Variants in GLIS3 observed in about 807,000 individuals in gnomAD.
GLIS3 encodes zinc finger protein GLIS3.
In GLIS3, 53 loss-of-function variants were observed where a neutral mutation model predicts 78.6. That is an observed-to-expected ratio of 0.67 (90% CI 0.54 to 0.85). The LOEUF is 0.85. GLIS3 is among the 40% of genes least tolerant of loss of function. The probability of loss-of-function intolerance (pLI) is 0.00; values close to 1 mark genes in which losing one functional copy is unlikely to be tolerated. For missense variants in GLIS3, 1,703 were observed against 1,231.1 expected, an observed-to-expected ratio of 1.38 and a Z score of -5.74; for synonymous variants, 684 against 509.9, an observed-to-expected ratio of 1.34 and a Z score of -4.60.
intron 2 of GLIS3, among the ~76,000 whole-genome samples, chr9:4,233,125 T>C (rs1822419070): frequency 6.6e-6 from 1 of 152,234 alleles, no homozygotes; most frequent in South Asian, 2.1e-4. Flanking sequence ...ATCTTTGACA[T>C]CTTTTCCAAA....
intron 6 of GLIS3, among the ~76,000 whole-genome samples, chr9:3,926,784 G>T (rs1825288162): frequency 6.6e-6 from 1 of 152,034 alleles, no homozygotes; most frequent in South Asian, 2.1e-4. Flanking sequence ...CACCATGCCT[G>T]GCTAATTTTT....
chr9:4,246,544 A>G (rs1373404809), intron 2 of GLIS3, among the ~76,000 whole-genome samples: 1 of 152,188 alleles, frequency 6.6e-6, no homozygotes, highest in African/African-American at 2.4e-5. Flanking sequence ...CTCCCTTAAA[A>G]CATAAGCCGT....
rs556678265 is a variant in GLIS3 at position 3,863,645 on chromosome 9, A to G, written c.2298-7461T>C. ...GAGCATGACAAAATGAAGTCTGTGA[A>G]GTTGGCTGTAGGTGAAACGATCACA... On this transcript the variant is annotated intron_variant, in intron 8 of 10. Transcript: ENST00000381971. Among the ~76,000 whole-genome samples, 3 of 152,380 alleles carry G rather than the reference A, an allele frequency of 2.0e-5. No homozygotes were observed. In the South Asian group the frequency reaches 6.2e-4, roughly 32 times the overall value.
chr9:4,293,660 T>C (rs939666289), intron 1 of GLIS3, among the ~76,000 whole-genome samples: 1 of 150,692 alleles, frequency 6.6e-6, no homozygotes, highest in East Asian at 1.9e-4. Flanking sequence ...TGGTTTTCTG[T>C]GTACAATATT....
At chr9:4,084,295 A>ACAC (rs777071830) in intron 4 of GLIS3, among the ~76,000 whole-genome samples, 18 of 87,548 alleles carry the variant, frequency 2.1e-4, no homozygotes, top group Non-Finnish European at 3.9e-4. Context: ...ACACACACAC[A>ACAC]AATTCCTAGC....
At chr9:4,462,225 T>C in the GLIS3 span, among the ~76,000 whole-genome samples, 8 of 152,198 alleles carry the variant, frequency 5.3e-5, no homozygotes, top group East Asian at 5.8e-4. Context: ...CACTATTCAA[T>C]GTATGATCTG....
chr9:4,337,782 G>A (rs547288152), intron 2 of GLIS3, among the ~76,000 whole-genome samples: 13 of 152,172 alleles, frequency 8.5e-5, no homozygotes, highest in South Asian at 4.2e-4. Context: ...AACCAGTTTT[G>A]TTTACTCAGT....
In GLIS3 at chr9:4,286,142, T is replaced by C; in HGVS notation, c.284A>G (p.Lys95Arg). The change falls in exon 2 of 11, where the codon AAG becomes AGG. Residue 95 changes from lysine (K) to arginine (R), a missense_variant. Lys to Arg is a conservative substitution (Grantham distance 26). Transcript: ENST00000381971. ...AGCCTGGGTGACCTGGAATCGCGGC[T>C]TCCCATTGGTGAGCATTTGTCTCCT... ...SPRRQMLTNGKPRFQVTQAGG... is the reference protein window; with the variant it reads ...SPRRQMLTNGRPRFQVTQAGG... 1 of 1,613,824 alleles carries C rather than the reference T, an allele frequency of 6.2e-7. No individual in the cohort carries two copies. Among genetic ancestry groups the C allele is most frequent in the Non-Finnish European group, 8.5e-7 (1 of 1,179,682 alleles).
rs185995908 is a variant in GLIS3, at chr9:4,013,513, C to T, written c.1711-76324G>A. Among the ~76,000 whole-genome samples, 203 of 152,294 alleles carry T rather than the reference C, an allele frequency of 1.3e-3. 1 individual carries two copies. The highest frequency in any genetic ancestry group is 2.6e-3 in the Non-Finnish European group (180 of 68,022). ...TAAAGAAGTTAATATGAATAAAAGA[C>T]TAATCTGCATACACATCTATACATT... is the stretch of plus-strand genomic sequence containing the variant. On this transcript the variant is annotated intron_variant, in intron 4 of 10. Transcript: ENST00000381971.
At chr9:4,099,152 G>A (rs1233030410) in intron 4 of GLIS3, among the ~76,000 whole-genome samples, 1 of 152,234 alleles carries the variant, frequency 6.6e-6, no homozygotes, top group East Asian at 1.9e-4. Flanking sequence ...AGGGCTGTCT[G>A]AATTAGATTC....
intron 2 of GLIS3, among the ~76,000 whole-genome samples, chr9:4,215,946 A>C (rs867662113): frequency 2.0e-5 from 3 of 152,208 alleles, no homozygotes; most frequent in Admixed American, 6.5e-5. Flanking sequence ...GCTGATTCTA[A>C]TGAAATTATT....
chr9:4,300,216 ACACAC>A (rs1817005129), upstream of GLIS3, among the ~76,000 whole-genome samples: 5 of 71,678 alleles, frequency 7.0e-5, no homozygotes, highest in Admixed American at 7.5e-4. Flanking sequence ...ATTCACACAC[ACACAC>A]ACACACACAC....
At chr9:4,087,745 C>G (rs1829157118) in intron 4 of GLIS3, among the ~76,000 whole-genome samples, 1 of 152,142 alleles carries the variant, frequency 6.6e-6, no homozygotes, top group Non-Finnish European at 1.5e-5. Context: ...TTTTAGTATT[C>G]ATATTCCTAC....
chr9:4,221,181 AG>A (rs1821302440), intron 2 of GLIS3, among the ~76,000 whole-genome samples: 1 of 152,216 alleles, frequency 6.6e-6, no homozygotes, highest in African/African-American at 2.4e-5. Flanking sequence ...ATACATGCAT[AG>A]GTAAAAACTC....
chr9:4,262,115 C>G (rs570416284), intron 2 of GLIS3, among the ~76,000 whole-genome samples: 1 of 152,178 alleles, frequency 6.6e-6, no homozygotes, highest in South Asian at 2.1e-4. Context: ...TGTGTCTGAA[C>G]TATGTGACTG....
chr9:4,316,698 T>G (rs560449298), intron 2 of GLIS3, among the ~76,000 whole-genome samples: 1 of 152,258 alleles, frequency 6.6e-6, no homozygotes, highest in Non-Finnish European at 1.5e-5. Context: ...CTGCCCAGAG[T>G]TGGTTCCTGC....
At chr9:4,125,582 T>C in intron 3 of GLIS3, 152 bp downstream of exon 3, 1 of 709,356 alleles carries the variant, frequency 1.4e-6, no homozygotes, top group Non-Finnish European at 2.6e-6. Flanking sequence ...TTTAGACATA[T>C]TCCCCTACAA....
intron 2 of GLIS3, among the ~76,000 whole-genome samples, chr9:4,188,212 G>C (rs1216405219): frequency 1.3e-5 from 2 of 151,654 alleles, no homozygotes; most frequent in Non-Finnish European, 2.9e-5. Flanking sequence ...ATGAAGGGTT[G>C]TTGAATTTTG....
chr9:4,041,824 G>C (rs796155340), intron 4 of GLIS3, among the ~76,000 whole-genome samples: 17 of 152,260 alleles, frequency 1.1e-4, no homozygotes, highest in African/African-American at 4.1e-4. Flanking sequence ...AATGACCCTA[G>C]TCCTTGCCTT....
Sources: allele counts gnomAD v4.1 joint callset (sites outside exome capture counted in the v4.1 genomes callset), GRCh38; gene constraint gnomAD v4.1.1; transcripts MANE v1.5; gene names NCBI Gene and HGNC (gene_info 2026-07-23, HGNC 2026-07-21).